Variants in SLC9D1 observed in about 807,000 individuals in gnomAD.
SLC9D1 encodes solute carrier family 9 member D1.
At chr13:113,512,601 A>G in the SLC9D1 span, among the ~76,000 whole-genome samples, 2,065 of 71,076 alleles carry the variant, frequency 0.029, no homozygotes, top group Middle Eastern at 0.12. Context: ...CCGGAGTGTA[A>G]ACGGAGAGAG....
chr13:113,514,878 G>A, the SLC9D1 span, among the ~76,000 whole-genome samples: 1 of 152,166 alleles, frequency 6.6e-6, no homozygotes, highest in Non-Finnish European at 1.5e-5. Context: ...CACCATGCCT[G>A]GCTAAGTTTT....
At chr13:113,491,215 C>G in the SLC9D1 span, 1 of 152,334 alleles carries the variant, frequency 6.6e-6, no homozygotes, top group East Asian at 1.9e-4. Flanking sequence ...AGAGCCCGGC[C>G]CAGGCCGCGG....
At chr13:113,520,602 C>G in the SLC9D1 span, 1 of 1,601,578 alleles carries the variant, frequency 6.2e-7, no homozygotes, top group Non-Finnish European at 8.6e-7. Flanking sequence ...TCTTCAATGC[C>G]TTTCCCCCCA....
the SLC9D1 span, among the ~76,000 whole-genome samples, chr13:113,506,245 AG>A: frequency 6.6e-5 from 4 of 60,180 alleles, no homozygotes; most frequent in Admixed American, 5.2e-4. Flanking sequence ...CTGTGGAGGA[AG>A]GAGCCTGTTA....
chr13:113,495,835 C>G, the SLC9D1 span: 2 of 1,614,086 alleles, frequency 1.2e-6, no homozygotes, highest in Non-Finnish European at 1.7e-6. Flanking sequence ...GTGGGCCTGT[C>G]GGATGAAGAG....
At chr13:113,510,545 T>G in the SLC9D1 span, 2 of 889,500 alleles carry the variant, frequency 2.2e-6, no homozygotes, top group African/African-American at 1.7e-5. Flanking sequence ...TCTTAGGACT[T>G]TCCTAACCAT....
the SLC9D1 span, among the ~76,000 whole-genome samples, chr13:113,512,541 G>A: frequency 6.6e-6 from 1 of 151,950 alleles, no homozygotes; most frequent in South Asian, 2.1e-4. Context: ...TAGATGGAGA[G>A]GGTCAGTGTA....
the SLC9D1 span, chr13:113,503,626 C>G: frequency 7.3e-7 from 1 of 1,378,580 alleles, no homozygotes. Context: ...AGCTAAGGAG[C>G]TTCACATCAT....
the SLC9D1 span, chr13:113,529,921 A>T: frequency 6.6e-6 from 1 of 152,260 alleles, no homozygotes; most frequent in African/African-American, 2.4e-5. Context: ...AAAAACTTGT[A>T]CCTGAATGTT....
chr13:113,540,653 A>G, the SLC9D1 span, among the ~76,000 whole-genome samples: 5 of 152,202 alleles, frequency 3.3e-5, no homozygotes, highest in African/African-American at 1.2e-4. Context: ...TCAGGTCCAT[A>G]GTTTGCAAGT....
the SLC9D1 span, among the ~76,000 whole-genome samples, chr13:113,497,397 GC>G: frequency 6.7e-6 from 1 of 149,212 alleles, no homozygotes; most frequent in African/African-American, 2.5e-5. Context: ...TGTGAGACCT[GC>G]AGCTGTGTGA....
the SLC9D1 span, among the ~76,000 whole-genome samples, chr13:113,494,237 G>T: frequency 1.1e-4 from 17 of 152,308 alleles, no homozygotes; most frequent in South Asian, 3.5e-3. Flanking sequence ...TAAGTGGTAG[G>T]TGTTGGTTTT....
the SLC9D1 span, chr13:113,511,609 C>T: frequency 6.6e-6 from 1 of 152,368 alleles, no homozygotes; most frequent in Non-Finnish European, 1.5e-5. Flanking sequence ...CGGCCATGGG[C>T]CTCCTCCGTG....
At chr13:113,524,972 C>T in the SLC9D1 span, among the ~76,000 whole-genome samples, 1 of 152,088 alleles carries the variant, frequency 6.6e-6, no homozygotes, top group East Asian at 1.9e-4. Context: ...GGGTTGACTG[C>T]GTGTTTTCAG....
At chr13:113,525,519 C>T in the SLC9D1 span, among the ~76,000 whole-genome samples, 1 of 152,378 alleles carries the variant, frequency 6.6e-6, no homozygotes, top group East Asian at 1.9e-4. Context: ...CAGCCTCAGG[C>T]AGGTTCTTCA....
At chr13:113,517,044 G>A in the SLC9D1 span, among the ~76,000 whole-genome samples, 1 of 152,230 alleles carries the variant, frequency 6.6e-6, no homozygotes, top group East Asian at 1.9e-4. Flanking sequence ...ACCAGGTGCC[G>A]TGGGCTGGCT....
chr13:113,503,751 A>T, the SLC9D1 span: 1 of 581,558 alleles, frequency 1.7e-6, no homozygotes, highest in East Asian at 2.9e-5. Flanking sequence ...TCAGAAAGAT[A>T]AAAAATATCA....
At chr13:113,549,370 T>TG in the SLC9D1 span, 1 of 1,593,726 alleles carries the variant, frequency 6.3e-7, no homozygotes, top group Non-Finnish European at 8.5e-7. Context: ...GCTTTCCTGT[T>TG]GCAGGTGCTA....
At chr13:113,540,010 G>A in the SLC9D1 span, among the ~76,000 whole-genome samples, 11 of 152,266 alleles carry the variant, frequency 7.2e-5, no homozygotes, top group South Asian at 1.5e-3. Flanking sequence ...TGAGGAGAAC[G>A]GCCTCCAGCT....
Sources: allele counts gnomAD v4.1 joint callset (sites outside exome capture counted in the v4.1 genomes callset), GRCh38; gene constraint gnomAD v4.1.1; transcripts MANE v1.5; gene names NCBI Gene and HGNC (gene_info 2026-07-23, HGNC 2026-07-21).